The following NFKBID variants were observed in gnomAD, a reference collection of about 807,000 sequenced individuals.
The protein encoded by NFKBID is NF-kappa-B inhibitor delta.
In NFKBID, 26 loss-of-function variants were observed where a neutral mutation model predicts 53.4. That is an observed-to-expected ratio of 0.49 (90% CI 0.36 to 0.68). The LOEUF (loss-of-function observed/expected upper bound fraction) is 0.68, where lower values mean the gene tolerates loss of function less well. Ranked by LOEUF, NFKBID falls within the 30% of genes least tolerant of loss-of-function variation. The pLI is 0.00. For missense variants in NFKBID, 493 were observed against 614.1 expected (o/e 0.80, Z 2.08); for synonymous variants, 262 against 259.8 (o/e 1.01, Z -0.08).
At position 35,895,975 on chromosome 19, in the gene NFKBID, C is replaced by T; in HGVS notation, c.1032+5G>A. Reference sequence around the variant, plus strand: ...CAGGGTCTGACCGCCCACATCCCCGCTCACCTGGCTGGTGTGATTAGCACC... The same window carrying T: ...CAGGGTCTGACCGCCCACATCCCCGTTCACCTGGCTGGTGTGATTAGCACC... On this transcript the variant is annotated splice_donor_5th_base_variant and intron_variant, in intron 9 of 11. Coordinates refer to ENST00000641389, the Ensembl canonical transcript of NFKBID. The T allele has an allele frequency of 1.2e-6, 2 of 1,612,052 alleles. No individual in the cohort carries two copies. The highest frequency in any genetic ancestry group is 1.7e-6 in the Non-Finnish European group (2 of 1,178,476).
intron 1 of NFKBID, among the ~76,000 whole-genome samples, chr19:35,899,995 G>C (rs1052906656): frequency 6.6e-6 from 1 of 150,376 alleles, no homozygotes; most frequent in African/African-American, 2.4e-5. Flanking sequence ...GGCAGAGGCA[G>C]GGTCACCGCC....
rs1236863460 is a variant in NFKBID, at chr19:35,898,538, G to C, written c.166-6C>G. 2 of 1,529,284 alleles carry C rather than the reference G, an allele frequency of 1.3e-6. No individual in the cohort carries two copies. The highest frequency in any genetic ancestry group is 8.7e-7 in the Non-Finnish European group (1 of 1,144,616). 94.7% of individuals were successfully genotyped at this position (1,529,284 alleles called of 1,614,324 possible). On this transcript the variant is annotated splice_region_variant and splice_polypyrimidine_tract_variant and intron_variant, in intron 2 of 11. Transcript: ENST00000641389. ...GGGGGAGGGAGAAATTGTCCCTGTA[G>C]AGACAAAAGCAAAAAGGAACCCAGG...
chr19:35,895,223 C>T (rs1295624135), intron 9 of NFKBID, among the ~76,000 whole-genome samples: 2 of 151,194 alleles, frequency 1.3e-5, no homozygotes, highest in African/African-American at 2.4e-5. Context: ...CGCCTGTAAT[C>T]GCAGCACTTT....
At position 35,890,064 on chromosome 19, in the gene NFKBID, T is replaced by C. The variant is rs1397403246; in HGVS notation, c.1150-10A>G. On this transcript the variant is annotated splice_polypyrimidine_tract_variant and intron_variant, in intron 10 of 11. Transcript: ENST00000641389. ...CTGTGTTCCCGTGGGCCTGGAAAAGTAAGGGGAGGGCTGGTGGGGATCTGG... is the reference window on the plus strand; with the variant it reads ...CTGTGTTCCCGTGGGCCTGGAAAAGCAAGGGGAGGGCTGGTGGGGATCTGG... 48 of 1,592,964 alleles carry C rather than the reference T, an allele frequency of 3.0e-5. No homozygotes were observed. Among genetic ancestry groups the C allele is most frequent in the Non-Finnish European group, 4.0e-5 (47 of 1,174,666 alleles).
intron 11 of NFKBID, 44 bp downstream of exon 11, chr19:35,889,846 C>T (rs762221825): frequency 2.4e-5 from 38 of 1,556,114 alleles, no homozygotes; most frequent in East Asian, 1.8e-4. Context: ...CCCGCGCCCG[C>T]GAGCTCAGAG....
Position 35,896,484 on chromosome 19 carries a change from A to G in NFKBID, c.739T>C (p.Leu247=). ...GCATTGGGCTCTGCTCCCAGGTTCA[A>G]CAGATCCTCCACAATCAGGGGCTGG... Residue 247 remains leucine (L), a synonymous_variant, in exon 7 of 12, where the codon TTG becomes CTG. Transcript: ENST00000641389. The surrounding 1 kb of genome is among the most constrained non-coding windows in gnomAD (Gnocchi z 5.7). 1 of 1,614,154 alleles carries G rather than the reference A, an allele frequency of 6.2e-7. No individual in the cohort carries two copies. Among genetic ancestry groups the G allele is most frequent in the Non-Finnish European group, 8.5e-7 (1 of 1,180,004 alleles).
rs755621943 is a variant in NFKBID, at chr19:35,896,679, G to C, written c.684+47C>G. The C allele has an allele frequency of 2.1e-5, 33 of 1,582,660 alleles. 2 individuals are homozygous for C. In the South Asian group the frequency reaches 3.6e-4, roughly 17 times the overall value. On this transcript the variant is annotated intron_variant, in intron 6 of 11. Transcript: ENST00000641389. The surrounding 1 kb of genome is among the most constrained non-coding windows in gnomAD (Gnocchi z 5.7). ...TAGGATCCAGGGGTCCAGGCCCCAG[G>C]CTCCTTCCTCCCCTGAACCCAGGAG...
chr19:35,900,281 G>A (rs1599631284), intron 1 of NFKBID, among the ~76,000 whole-genome samples, 161 bp downstream of exon 1: 1 of 151,694 alleles, frequency 6.6e-6, no homozygotes, highest in East Asian at 1.9e-4. Context: ...CCGCCCCTCT[G>A]TCACGATCCA....
At chr19:35,890,799 G>A (rs565841179) in intron 9 of NFKBID, 25 of 379,340 alleles carry the variant, frequency 6.6e-5, no homozygotes, top group South Asian at 4.1e-4. Flanking sequence ...AGGAGTTCAC[G>A]GCTGCAGTGG....
upstream of NFKBID, chr19:35,900,723 G>A (rs143994199): frequency 2.8e-6 from 3 of 1,065,530 alleles, no homozygotes; most frequent in Non-Finnish European, 2.4e-6. Flanking sequence ...GGGAGCTGGG[G>A]TCCAGATCTT....
At chr19:35,897,392 T>A (rs1975254642) in intron 4 of NFKBID, 2 of 567,098 alleles carry the variant, frequency 3.5e-6, no homozygotes, top group Non-Finnish European at 6.2e-6. Context: ...GTAGCTAGGA[T>A]TACAGGCGTG....
At chr19:35,898,059 G>A (rs1975305473) in intron 3 of NFKBID, among the ~76,000 whole-genome samples, 1 of 152,080 alleles carries the variant, frequency 6.6e-6, no homozygotes, top group Non-Finnish European at 1.5e-5. Context: ...CCTGGGCCCT[G>A]GGGCTCCGTA....
At chr19:35,890,310 T>A in intron 10 of NFKBID, 64 bp downstream of exon 10, 7 of 1,064,342 alleles carry the variant, frequency 6.6e-6, no homozygotes, top group South Asian at 1.3e-5. Context: ...CCAGGACCCC[T>A]AACATCCCAC....
In NFKBID at chr19:35,898,750, T is replaced by C. The variant is rs765208498; in HGVS notation, c.134A>G (p.Gln45Arg). The C allele has an allele frequency of 2.5e-5, 38 of 1,535,954 alleles. 1 individual carries two copies. Among genetic ancestry groups the C allele is most frequent in the South Asian group, 2.0e-4 (17 of 84,070 alleles). ...CCCGCCAGCGTCGGGCTGCTGCTGC[T>C]GGCGGCGCCTCTGCTCTTCCAGAAG... The change falls in exon 2 of 12, where the codon CAG becomes CGG. Residue 45 changes from glutamine to arginine, a missense_variant. This residue lies in a region of NFKBID where 226 missense variants were observed against 229.5 expected (regional missense o/e 0.98). Coordinates refer to ENST00000641389, the Ensembl canonical transcript of NFKBID.
rs1975296678 is a variant in NFKBID at position 35,897,922 on chromosome 19, T to G, written c.227-66A>C. 6.2e-6 allele frequency: 7 copies of G among 1,128,898 alleles called. No homozygotes were observed. In the East Asian group the frequency reaches 1.8e-4, roughly 29 times the overall value. The allele number at this position is 1,128,898 out of a possible 1,614,324, so 69.9% of individuals were successfully genotyped here. A position where few individuals can be genotyped will look rare whatever the true frequency, so the allele number is the denominator to read the frequency against. ...GAGTTGGGGACGTCACATCCAGGGC[T>G]AGAGGGCCTGGCGTCTCCCAAGGTA... On this transcript the variant is annotated intron_variant, in intron 3 of 11. Transcript: ENST00000641389.
At chr19:35,900,127 G>GTC (rs1975479474) in intron 1 of NFKBID, among the ~76,000 whole-genome samples, 1 of 124,886 alleles carries the variant, frequency 8.0e-6, no homozygotes, top group Non-Finnish European at 1.6e-5. Flanking sequence ...AGGGGTAGGA[G>GTC]TCTCGGTTGC....
intron 9 of NFKBID, among the ~76,000 whole-genome samples, chr19:35,892,638 C>T (rs1448390824): frequency 6.6e-6 from 1 of 152,020 alleles, no homozygotes; most frequent in African/African-American, 2.4e-5. Flanking sequence ...AATTCTTCCT[C>T]TTCATCATTT....
chr19:35,900,282 T>TCACGATC (rs2146973351), intron 1 of NFKBID, among the ~76,000 whole-genome samples, 160 bp downstream of exon 1: 1 of 151,598 alleles, frequency 6.6e-6, no homozygotes, highest in African/African-American at 2.4e-5. Context: ...CGCCCCTCTG[T>TCACGATC]CACGATCCAC....
intron 1 of NFKBID, among the ~76,000 whole-genome samples, chr19:35,899,055 C>G (rs1975391957): frequency 6.6e-6 from 1 of 152,208 alleles, no homozygotes; most frequent in East Asian, 1.9e-4. Flanking sequence ...CAACTTTCCA[C>G]CACCGTCGCG....
Sources: allele counts gnomAD v4.1 joint callset (sites outside exome capture counted in the v4.1 genomes callset), GRCh38; gene constraint gnomAD v4.1.1; regional missense constraint gnomAD v4.1.1; non-coding constraint Gnocchi (gnomAD v3.1); transcripts MANE v1.5; gene names NCBI Gene and HGNC (gene_info 2026-07-23, HGNC 2026-07-21).